The following KIF27 variants were observed in gnomAD, a reference collection of about 807,000 sequenced individuals.
The protein encoded by KIF27 is kinesin family member 27, also known as kinesin-like protein KIF27.
A neutral mutation model predicts 141.8 loss-of-function variants in KIF27; 84 were observed. The ratio of observed to expected loss-of-function variants is 0.59; its 90% CI spans 0.50 to 0.71. The LOEUF is 0.71. Ranked by LOEUF, KIF27 falls within the 30% of genes least tolerant of loss-of-function variation. The pLI is 0.00. For missense variants in KIF27, 1,306 were observed against 1,628.4 expected (o/e 0.80, Z 3.41); for synonymous variants, 471 against 569.5 (o/e 0.83, Z 2.46).
At chr9:83,871,117 C>T (rs2132054230) in intron 11 of KIF27, among the ~76,000 whole-genome samples, 1 of 151,954 alleles carries the variant, frequency 6.6e-6, no homozygotes, top group African/African-American at 2.4e-5. Flanking sequence ...GGTCTTGTTA[C>T]ATTGCCCAGG....
At chr9:83,865,946 G>A (rs1017129043) in intron 13 of KIF27, among the ~76,000 whole-genome samples, 8 of 151,998 alleles carry the variant, frequency 5.3e-5, no homozygotes, top group South Asian at 2.1e-4. Flanking sequence ...GCCAATCTCC[G>A]GCTAGGAAGT....
intron 11 of KIF27, among the ~76,000 whole-genome samples, chr9:83,873,271 C>T (rs1384488231): frequency 6.6e-6 from 1 of 152,150 alleles, no homozygotes; most frequent in African/African-American, 2.4e-5. Context: ...TGGTCACAAT[C>T]CTCAACTCCA....
chr9:83,871,327 A>G (rs1950774267), intron 11 of KIF27, among the ~76,000 whole-genome samples: 1 of 152,224 alleles, frequency 6.6e-6, no homozygotes, highest in African/African-American at 2.4e-5. Context: ...TAGCATATCT[A>G]AGAAGAAAGG....
chr9:83,904,517 C>T (rs1202388934), intron 3 of KIF27, among the ~76,000 whole-genome samples: 8 of 151,992 alleles, frequency 5.3e-5, no homozygotes, highest in East Asian at 1.9e-4. Context: ...TACAGGCATG[C>T]GCTACCACAC....
rs144345610 is a variant in KIF27, at chr9:83,905,179, C to T, written c.500-1161G>A. Reference sequence around the variant, plus strand: ...CTGTCCCCAGGCTGGAGTGCAGTGGCGCAATCTCAGCTCACTGCAAGCTCC... The same window carrying T: ...CTGTCCCCAGGCTGGAGTGCAGTGGTGCAATCTCAGCTCACTGCAAGCTCC... On this transcript the variant is annotated intron_variant, in intron 3 of 17. Transcript: ENST00000297814. Among the ~76,000 whole-genome samples, 1,035 of 151,238 alleles carry T rather than the reference C, an allele frequency of 6.8e-3. 16 individuals carry two copies. Among genetic ancestry groups the T allele is most frequent in the African/African-American group, 0.024 (992 of 41,130 alleles).
At chr9:83,856,246 CAAGT>C (rs774903917) in intron 14 of KIF27, among the ~76,000 whole-genome samples, 2 of 152,010 alleles carry the variant, frequency 1.3e-5, no homozygotes, top group Non-Finnish European at 2.9e-5. Context: ...GTCCAGAGAC[CAAGT>C]AAAATGAAAC....
At chr9:83,858,546 G>C (rs1949521808) in intron 14 of KIF27, 1 of 151,982 alleles carries the variant, frequency 6.6e-6, no homozygotes, top group African/African-American at 2.4e-5. Flanking sequence ...ACAAAGTCTG[G>C]GGCAATTTGA....
At position 83,853,683 on chromosome 9, in the gene KIF27, T is replaced by C; in HGVS notation, c.3303A>G (p.Leu1101=). The C allele has an allele frequency of 6.2e-7, 1 of 1,613,894 alleles. No individual in the cohort carries two copies. Among genetic ancestry groups the C allele is most frequent in the Middle Eastern group, 1.7e-4 (1 of 6,056 alleles). Residue 1101 remains leucine (L), a synonymous_variant, in exon 15 of 18, where the codon CTA becomes CTG. Coordinates refer to ENST00000297814, the MANE Select transcript of KIF27 (RefSeq NM_017576.4). ...TAATCTCAACAGGACTCAGGCAAGC[T>C]AGCTTTTCCAAGACATTTGCTTCAC... is the stretch of plus-strand genomic sequence containing the variant. ...SRGEANVLEK[L]ACLSPVEIRT...
intron 16 of KIF27, among the ~76,000 whole-genome samples, chr9:83,849,869 A>G (rs1033376927): frequency 6.6e-6 from 1 of 152,228 alleles, no homozygotes; most frequent in Non-Finnish European, 1.5e-5. Context: ...AGCAGTTCTT[A>G]TGTGCATACT....
Position 83,903,239 on chromosome 9 carries a change from C to T in KIF27, c.1279G>A (p.Asp427Asn). The change falls in exon 4 of 18, where the codon GAT (aspartate) becomes AAT (asparagine). Residue 427 changes from aspartate (D) to asparagine (N), a missense_variant. Asp to Asn is a conservative substitution (Grantham distance 23). This residue lies in a region of KIF27 where 533 missense variants were observed against 565.6 expected (regional missense o/e 0.94). Transcript: ENST00000297814. ...EAFTFLVDLK[D>N]TVRLNEKQQH... The stretch of plus-strand genomic sequence containing the variant: ...TGCTTTTCGTTTAGTCTGACAGTAT[C>T]TTTTAGGTCAACCAGGAAGGTAAAG... The T allele has an allele frequency of 6.2e-7, 1 of 1,614,136 alleles. No homozygotes were observed.
At chr9:83,889,277 A>G (rs778995864) in intron 6 of KIF27, 24 bp from the exon 7 acceptor site, 2 of 1,561,006 alleles carry the variant, frequency 1.3e-6, no homozygotes, top group Non-Finnish European at 1.7e-6. Flanking sequence ...CCCCCACCCA[A>G]CAACAAAAAA....
At chr9:83,896,483 A>G (rs1323841884) in intron 5 of KIF27, among the ~76,000 whole-genome samples, 1 of 152,176 alleles carries the variant, frequency 6.6e-6, no homozygotes, top group African/African-American at 2.4e-5. Flanking sequence ...AGTGACAGAA[A>G]AAAAATCAAG....
chr9:83,903,640 T>A lies in KIF27; in HGVS notation c.878A>T (p.Tyr293Phe). Reference sequence around the variant, plus strand: ...AAGCCGGGTAATTTTAGCATCCCTATATGGAATATGTGAACTCTTCCTGCG... The same window carrying A: ...AAGCCGGGTAATTTTAGCATCCCTAAATGGAATATGTGAACTCTTCCTGCG... ...DPRRKSSHIP[Y>F]RDAKITRLLK... Residue 293 changes from tyrosine to phenylalanine, a missense_variant, in exon 4 of 18, where the codon TAT becomes TTT. Physicochemically the swap from Tyr to Phe is conservative, Grantham distance 22. Around this residue, in one of 4 missense-constraint regions of KIF27, gnomAD observed 533 missense variants for 565.6 expected, o/e 0.94. Transcript: ENST00000297814. 6.2e-7 allele frequency: 1 copy of A among 1,614,182 alleles called. No homozygotes were observed. The highest frequency in any genetic ancestry group is 2.2e-5 in the East Asian group (1 of 44,886).
chr9:83,896,795 T>C (rs895565763), intron 5 of KIF27, among the ~76,000 whole-genome samples: 2 of 152,202 alleles, frequency 1.3e-5, no homozygotes, highest in Non-Finnish European at 2.9e-5. Flanking sequence ...GAAAATAGCA[T>C]ACTAAGTGAA....
At chr9:83,872,277 G>C (rs1950860142) in intron 11 of KIF27, among the ~76,000 whole-genome samples, 1 of 152,146 alleles carries the variant, frequency 6.6e-6, no homozygotes, top group Admixed American at 6.5e-5. Context: ...TCGCGCCACT[G>C]CACTCTAGCC....
intron 11 of KIF27, among the ~76,000 whole-genome samples, chr9:83,873,654 T>C (rs1950974691): frequency 1.3e-5 from 2 of 152,184 alleles, no homozygotes; most frequent in Admixed American, 1.3e-4. Flanking sequence ...ATAGCTATAA[T>C]TTAGCCCCTG....
chr9:83,857,710 C>A (rs2131828744), intron 14 of KIF27, among the ~76,000 whole-genome samples: 1 of 152,246 alleles, frequency 6.6e-6, no homozygotes, highest in East Asian at 1.9e-4. Flanking sequence ...CTAAAACGGA[C>A]TTCTTTCTTG....
chr9:83,895,668 G>C (rs1953137908), intron 5 of KIF27, among the ~76,000 whole-genome samples: 1 of 151,532 alleles, frequency 6.6e-6, no homozygotes, highest in South Asian at 2.1e-4. Context: ...GAAGGTGAAA[G>C]GATTATAAAG....
chr9:83,864,864 T>G (rs1040807074), intron 13 of KIF27, among the ~76,000 whole-genome samples: 1 of 152,000 alleles, frequency 6.6e-6, no homozygotes, highest in Non-Finnish European at 1.5e-5. Flanking sequence ...TGCCCCTATA[T>G]TGGGTGCATA....
Sources: allele counts gnomAD v4.1 joint callset (sites outside exome capture counted in the v4.1 genomes callset), GRCh38; gene constraint gnomAD v4.1.1; regional missense constraint gnomAD v4.1.1; transcripts MANE v1.5; gene names NCBI Gene and HGNC (gene_info 2026-07-23, HGNC 2026-07-21).